SHANK2: variants seen among roughly 807,000 people sequenced by gnomAD.
The protein encoded by SHANK2 is SH3 and multiple ankyrin repeat domains 2.
A neutral mutation model predicts 133.7 loss-of-function variants in SHANK2; 43 were observed. The ratio of observed to expected loss-of-function variants is 0.32; its 90% confidence interval spans 0.25 to 0.41. The LOEUF (loss-of-function observed/expected upper bound fraction) is 0.41. Ranked by LOEUF, SHANK2 falls within the 10% of genes least tolerant of loss-of-function variation. SHANK2 has a pLI of 1.00. For missense variants in SHANK2, 1,994 were observed against 2,235.8 expected (o/e 0.89, Z 2.18); for synonymous variants, 1,017 against 952.8 (o/e 1.07, Z -1.24).
At chr11:71,104,233 T>G (rs1459121546) in intron 6 of SHANK2, among the ~76,000 whole-genome samples, 1 of 152,056 alleles carries the variant, frequency 6.6e-6, no homozygotes, top group Non-Finnish European at 1.5e-5. Context: ...CTGAGAGAGG[T>G]TCATTAACCT....
intron 3 of SHANK2, among the ~76,000 whole-genome samples, chr11:71,130,708 C>T (rs1251963569): frequency 6.6e-6 from 1 of 152,098 alleles, no homozygotes; most frequent in Non-Finnish European, 1.5e-5. Context: ...ATCCACCTTC[C>T]TCTTGACTTC....
chr11:70,941,093 T>C (rs570515646), intron 10 of SHANK2, among the ~76,000 whole-genome samples: 4 of 152,296 alleles, frequency 2.6e-5, no homozygotes, highest in East Asian at 3.9e-4. Flanking sequence ...TTTCAATTCT[T>C]CCTCATAAGC....
intron 2 of SHANK2, among the ~76,000 whole-genome samples, chr11:71,178,468 G>A (rs1190508497): frequency 1.3e-5 from 2 of 152,172 alleles, no homozygotes; most frequent in East Asian, 3.9e-4. Context: ...CAGAGATTTT[G>A]TGAAAAATGA....
chr11:70,725,661 A>C (rs762567441), intron 14 of SHANK2, among the ~76,000 whole-genome samples: 2 of 152,206 alleles, frequency 1.3e-5, no homozygotes, highest in African/African-American at 2.4e-5. Context: ...CCATATCAAC[A>C]CAGAAACACT....
intron 15 of SHANK2, among the ~76,000 whole-genome samples, chr11:70,689,005 T>G (rs1391241071): frequency 6.6e-6 from 1 of 152,246 alleles, no homozygotes; most frequent in Non-Finnish European, 1.5e-5. Flanking sequence ...GGAGCATGTC[T>G]CTAAGCCTCT....
chr11:70,825,443 G>C (rs1555057011), intron 11 of SHANK2, among the ~76,000 whole-genome samples: 7 of 152,182 alleles, frequency 4.6e-5, no homozygotes, highest in Admixed American at 3.9e-4. Context: ...AATTCACATG[G>C]GGAGGCCACC....
intron 14 of SHANK2, among the ~76,000 whole-genome samples, chr11:70,755,263 G>C (rs1041469493): frequency 2.0e-5 from 3 of 152,090 alleles, no homozygotes; most frequent in Admixed American, 6.6e-5. Flanking sequence ...GTAGAGACAG[G>C]GTTTCACCAT....
chr11:70,725,613 C>T (rs1452189456), intron 14 of SHANK2, among the ~76,000 whole-genome samples: 3 of 152,180 alleles, frequency 2.0e-5, no homozygotes, highest in East Asian at 1.9e-4. Context: ...ACCCCAATAC[C>T]GCACGATCCC....
At chr11:71,059,835 G>A (rs1475354457) in intron 9 of SHANK2, among the ~76,000 whole-genome samples, 4 of 152,302 alleles carry the variant, frequency 2.6e-5, no homozygotes, top group Admixed American at 6.5e-5. Context: ...TTTGTTCATC[G>A]ACTGTGTAAA....
chr11:70,642,565 C>A (rs1555006743), intron 17 of SHANK2, among the ~76,000 whole-genome samples: 3 of 152,188 alleles, frequency 2.0e-5, no homozygotes. Flanking sequence ...AGAGGTGTCT[C>A]CCCTGTGTCC....
intron 17 of SHANK2, among the ~76,000 whole-genome samples, chr11:70,650,233 C>T (rs2061324037): frequency 6.6e-6 from 1 of 152,204 alleles, no homozygotes; most frequent in Non-Finnish European, 1.5e-5. Context: ...AGATGCTCAA[C>T]CATGTTGGCT....
At position 70,535,819 on chromosome 11, in the gene SHANK2, G is replaced by A. The variant is rs1241639333; in HGVS notation, c.2062-32888C>T. Among the ~76,000 whole-genome samples, 2 of 152,354 alleles carry A rather than the reference G, an allele frequency of 1.3e-5. No individual in the cohort carries two copies. Among genetic ancestry groups the A allele is most frequent in the South Asian group, 2.1e-4 (1 of 4,834 alleles). ...GGGCCATCCGCTGGCAGGGAGCTGG[G>A]CCCAGGCACTTGGGAAGCTTGGGAG... On this transcript the variant is annotated intron_variant, in intron 17 of 25. Transcript: ENST00000601538. This position sits in a 1 kb window ranked among gnomAD's most constrained non-coding sequence, Gnocchi z 4.3.
At chr11:70,757,044 C>A (rs1287716569) in intron 14 of SHANK2, among the ~76,000 whole-genome samples, 2 of 152,144 alleles carry the variant, frequency 1.3e-5, no homozygotes, top group African/African-American at 4.8e-5. Context: ...GGAGGGGAGC[C>A]GTGTGAAGGT....
chr11:71,065,370 C>G (rs1951036793), intron 9 of SHANK2, among the ~76,000 whole-genome samples: 1 of 132,992 alleles, frequency 7.5e-6, no homozygotes, highest in South Asian at 2.6e-4. Context: ...GTGTGCAGAA[C>G]TCTTCCAGGG....
At chr11:71,084,320 G>A (rs1951348725) in intron 8 of SHANK2, among the ~76,000 whole-genome samples, 1 of 152,160 alleles carries the variant, frequency 6.6e-6, no homozygotes, top group South Asian at 2.1e-4. Context: ...CTCAAATGGG[G>A]CTCTTCTAAC....
intron 2 of SHANK2, among the ~76,000 whole-genome samples, chr11:71,206,201 C>T (rs1369683823): frequency 1.3e-5 from 2 of 152,218 alleles, no homozygotes; most frequent in East Asian, 3.9e-4. Flanking sequence ...AATTCCCTCC[C>T]ATTGCTTCCC....
chr11:70,825,784 T>TG (rs1555057071), intron 11 of SHANK2, among the ~76,000 whole-genome samples: 11 of 151,866 alleles, frequency 7.2e-5, no homozygotes, highest in Admixed American at 1.3e-4. Flanking sequence ...TGATTTTTTT[T>TG]TGTGAAAAGG....
intron 11 of SHANK2, among the ~76,000 whole-genome samples, chr11:70,859,071 A>G (rs1949215821): frequency 6.6e-6 from 1 of 152,140 alleles, no homozygotes; most frequent in Non-Finnish European, 1.5e-5. Context: ...TGGGTAGATG[A>G]ATGGAGAGGT....
At chr11:71,145,359 T>G (rs1390764441) in intron 3 of SHANK2, among the ~76,000 whole-genome samples, 1 of 152,236 alleles carries the variant, frequency 6.6e-6, no homozygotes, top group Non-Finnish European at 1.5e-5. Context: ...GTTTATGCAT[T>G]TGTGTTGAGC....
Sources: allele counts gnomAD v4.1 joint callset (sites outside exome capture counted in the v4.1 genomes callset), GRCh38; gene constraint gnomAD v4.1.1; non-coding constraint Gnocchi (gnomAD v3.1); transcripts MANE v1.5; gene names NCBI Gene and HGNC (gene_info 2026-07-23, HGNC 2026-07-21).